The following PCDHGA3 variants were observed in gnomAD, a reference collection of about 807,000 sequenced individuals.
PCDHGA3 encodes the protein protocadherin gamma-A3.
In PCDHGA3, 40 loss-of-function variants were observed where a neutral mutation model predicts 58.5. The observed-to-expected ratio is 0.68, with a 90% CI of 0.53 to 0.89. The LOEUF is 0.89. Among genes scored for constraint, PCDHGA3 ranks in the 40% least tolerant of loss-of-function variants. PCDHGA3 has a pLI of 0.00. For synonymous variants in PCDHGA3, 530 were observed against 525.7 expected, an observed-to-expected ratio of 1.01 and a Z score of -0.11; for missense variants, 1,223 against 1,195.9, an observed-to-expected ratio of 1.02 and a Z score of -0.33.
rs1445356223 is a variant in PCDHGA3, at chr5:141,490,414, G to T, written c.2425-4393G>T. On this transcript the variant is annotated intron_variant, in intron 1 of 3. Transcript: ENST00000253812. This position sits in a 1 kb window ranked among gnomAD's most constrained non-coding sequence, Gnocchi z 5.4. ...TGAAGTGAGCCTTGATATCTCTCCGGACCTGCCATTTCAGATTAAGCCTTC... is the reference window on the plus strand; with the variant it reads ...TGAAGTGAGCCTTGATATCTCTCCGTACCTGCCATTTCAGATTAAGCCTTC... The T allele has an allele frequency of 1.2e-6, 2 of 1,614,138 alleles. No homozygotes were observed. The highest frequency in any genetic ancestry group is 1.7e-6 in the Non-Finnish European group (2 of 1,180,024).
At chr5:141,480,240 CAAA>C (rs11374694) in intron 1 of PCDHGA3, among the ~76,000 whole-genome samples, 1 of 114,046 alleles carries the variant, frequency 8.8e-6, no homozygotes, top group African/African-American at 3.3e-5. Flanking sequence ...CCTGTCTCTA[CAAA>C]AAAAAAAAAA....
Position 141,477,931 on chromosome 5 carries a change from G to T in PCDHGA3, c.2425-16876G>T. 6.2e-7 allele frequency: 1 copy of T among 1,614,138 alleles called. No homozygotes were observed. Among genetic ancestry groups the T allele is most frequent in the Non-Finnish European group, 8.5e-7 (1 of 1,180,040 alleles). ...ACGCGGATGCAGGGCACAATGCCTG[G>T]CTCTCCTACAGTCTCTTGGGATCCC... On this transcript the variant is annotated intron_variant, in intron 1 of 3. Coordinates refer to ENST00000253812, the MANE Select transcript of PCDHGA3 (RefSeq NM_018916.4). This position sits in a 1 kb window ranked among gnomAD's most constrained non-coding sequence, Gnocchi z 4.9.
chr5:141,383,072 AG>A lies in PCDHGA3; in HGVS notation c.2424+36616del, dbSNP rs747790551. ...AAGGACCTGGGGCTGGAGCCCCGGG[AG>A]CTGGCGGAGCGCGGAGTCCGCATCA... On this transcript the variant is annotated intron_variant, in intron 1 of 3. Transcript: ENST00000253812. The A allele has an allele frequency of 4.3e-6, 7 of 1,613,710 alleles. No homozygotes were observed. In the African/African-American group the frequency reaches 6.7e-5, roughly 15 times the overall value.
At chr5:141,397,279 G>A (rs1208403541) in intron 1 of PCDHGA3, among the ~76,000 whole-genome samples, 1 of 152,168 alleles carries the variant, frequency 6.6e-6, no homozygotes, top group East Asian at 1.9e-4. Context: ...CATATGGGCA[G>A]TATACTTGAA....
At chr5:141,423,936 G>A (rs2096792092) in intron 1 of PCDHGA3, 1 of 1,225,102 alleles carries the variant, frequency 8.2e-7, no homozygotes. Context: ...TTGGTTTGAA[G>A]TAAGTTGAAT....
At chr5:141,351,413 G>A (rs757619719) in intron 1 of PCDHGA3, 2 of 1,611,540 alleles carry the variant, frequency 1.2e-6, no homozygotes, top group Non-Finnish European at 1.7e-6. Flanking sequence ...TACTCAGGAA[G>A]AAGTTCCTTT....
At chr5:141,351,238 C>G in intron 1 of PCDHGA3, 1 of 1,614,038 alleles carries the variant, frequency 6.2e-7, no homozygotes. Context: ...ACACAGCTCA[C>G]TGTAATGTTC....
Position 141,372,784 on chromosome 5 carries a change from C to T in PCDHGA3, c.2424+26327C>T. Reference sequence around the variant, plus strand: ...GAAAGTAATGACAATCCAGAAATGCCTTCTAATTCAGGCAATTTGCAAAAG... The same window carrying T: ...GAAAGTAATGACAATCCAGAAATGCTTTCTAATTCAGGCAATTTGCAAAAG... On this transcript the variant is annotated intron_variant, in intron 1 of 3. Coordinates refer to ENST00000253812, the MANE Select transcript of PCDHGA3 (RefSeq NM_018916.4). The T allele has an allele frequency of 1.9e-6, 3 of 1,606,556 alleles. No homozygotes were observed. In the South Asian group the frequency reaches 3.3e-5, roughly 18 times the overall value.
At chr5:141,453,331 C>G (rs1224258701) in intron 1 of PCDHGA3, among the ~76,000 whole-genome samples, 1 of 151,962 alleles carries the variant, frequency 6.6e-6, no homozygotes, top group East Asian at 1.9e-4. Flanking sequence ...TGGGGTCTCA[C>G]TATGTTTCCC....
intron 1 of PCDHGA3, chr5:141,394,121 T>G: frequency 6.2e-7 from 1 of 1,613,920 alleles, no homozygotes; most frequent in Non-Finnish European, 8.5e-7. Flanking sequence ...CCACTGAAAC[T>G]CAAATCGCTC....
chr5:141,370,413 T>C (rs778967972), intron 1 of PCDHGA3: 2 of 1,567,918 alleles, frequency 1.3e-6, no homozygotes, highest in South Asian at 2.4e-5. Flanking sequence ...TAGCTCCGGA[T>C]GGAGGGGCCC....
intron 1 of PCDHGA3, chr5:141,414,606 A>C: frequency 6.2e-7 from 1 of 1,613,944 alleles, no homozygotes; most frequent in Non-Finnish European, 8.5e-7. Flanking sequence ...CCATCTTCTC[A>C]GTGACAGCGC....
chr5:141,346,632 G>T (rs1426424420), intron 1 of PCDHGA3, 175 bp downstream of exon 1: 3 of 975,258 alleles, frequency 3.1e-6, no homozygotes, highest in Non-Finnish European at 4.5e-6. Context: ...CCCCGGTCTG[G>T]TTATGGTTGA....
chr5:141,401,125 C>T (rs2094118410), intron 1 of PCDHGA3, among the ~76,000 whole-genome samples: 1 of 152,200 alleles, frequency 6.6e-6, no homozygotes, highest in South Asian at 2.1e-4. Context: ...GGTTGGATCA[C>T]ATGGTCAGGA....
At chr5:141,446,365 G>T (rs2098499873) in intron 1 of PCDHGA3, among the ~76,000 whole-genome samples, 1 of 152,194 alleles carries the variant, frequency 6.6e-6, no homozygotes, top group Non-Finnish European at 1.5e-5. Flanking sequence ...GATGAGAATG[G>T]AAGACTAAAG....
intron 1 of PCDHGA3, chr5:141,409,829 A>AGC (rs2095323181): frequency 6.2e-7 from 1 of 1,610,980 alleles, no homozygotes; most frequent in African/African-American, 1.3e-5. Context: ...GCCCACGCTC[A>AGC]GCGCCAACGT....
chr5:141,445,305 T>C (rs899306819), intron 1 of PCDHGA3, among the ~76,000 whole-genome samples: 2 of 152,204 alleles, frequency 1.3e-5, no homozygotes, highest in Non-Finnish European at 1.5e-5. Context: ...TCTCTTCAGT[T>C]TGTAGGTTGA....
At chr5:141,362,527 G>A (rs1272837280) in intron 1 of PCDHGA3, 2 of 1,613,974 alleles carry the variant, frequency 1.2e-6, no homozygotes, top group Non-Finnish European at 8.5e-7. Context: ...AGCCGCTGGG[G>A]TCCCTTTTGC....
chr5:141,413,684 C>T, intron 1 of PCDHGA3: 1 of 1,613,838 alleles, frequency 6.2e-7, no homozygotes, highest in Non-Finnish European at 8.5e-7. Context: ...GGCGTGAACT[C>T]CCTGCAGAGC....
Sources: gnomAD v4.1 joint callset for allele counts (sites outside exome capture counted in the v4.1 genomes callset) on GRCh38, gnomAD v4.1.1 for gene constraint, Gnocchi (gnomAD v3.1) non-coding constraint, MANE v1.5 for transcripts, NCBI Gene and HGNC (gene_info 2026-07-23, HGNC 2026-07-21) for gene names.